AP5Z1: variants seen among roughly 807,000 people sequenced by gnomAD.
AP5Z1 encodes adaptor related protein complex 5 subunit zeta 1, also known as AP-5 complex subunit zeta-1.
AP5Z1 carries 106 observed loss-of-function variants against 83.0 expected under a neutral mutation model. The observed-to-expected ratio is 1.28, with a 90% CI of 1.09 to 1.50. The LOEUF is 1.50. AP5Z1 is among the 40% of genes most tolerant of loss of function. The pLI is 0.00. For missense variants in AP5Z1, 1,565 were observed against 1,094.2 expected, an observed-to-expected ratio of 1.43 and a Z score of -6.07; for synonymous variants, 751 against 514.1, an observed-to-expected ratio of 1.46 and a Z score of -6.23.
rs1781837631 is a variant in AP5Z1 at position 4,793,073 on chromosome 7, G to A, written c.*1688G>A. ...CCAGCTGGTGCTAAGTCCGCAGCCT[G>A]TGCAGCAGCGCCCGGCTTAGGACTG... is the stretch of plus-strand genomic sequence containing the variant. On this transcript the variant is annotated 3_prime_UTR_variant, in exon 17 of 17. Transcript: ENST00000649063. The A allele has an allele frequency of 6.6e-6, 1 of 152,394 alleles. No individual in the cohort carries two copies. Among genetic ancestry groups the A allele is most frequent in the African/African-American group, 2.4e-5 (1 of 41,480 alleles). 9.4% of individuals were successfully genotyped at this position (152,394 alleles called of 1,614,324 possible).
At chr7:4,782,604 T>C (rs550649069) in intron 3 of AP5Z1, among the ~76,000 whole-genome samples, 1 of 152,056 alleles carries the variant, frequency 6.6e-6, no homozygotes, top group African/African-American at 2.4e-5. Flanking sequence ...CTCAGGGCGT[T>C]GTACTTCATC....
chr7:4,788,787 G>A (rs1781645448), intron 12 of AP5Z1, 53 bp from the exon 13 acceptor site: 1 of 1,467,514 alleles, frequency 6.8e-7, no homozygotes, highest in Non-Finnish European at 9.2e-7. Context: ...GCCCCGGCCT[G>A]CAGTCACCAG....
chr7:4,778,441 C>T (rs1430743336), intron 1 of AP5Z1, among the ~76,000 whole-genome samples: 2 of 152,144 alleles, frequency 1.3e-5, no homozygotes, highest in South Asian at 2.1e-4. Context: ...AGCTCGGGAG[C>T]TAGTGGGGCA....
At chr7:4,783,560 A>C in intron 4 of AP5Z1, 100 bp downstream of exon 4, 1 of 1,540,806 alleles carries the variant, frequency 6.5e-7, no homozygotes, top group Non-Finnish European at 8.8e-7. Flanking sequence ...CAGGTGGGGG[A>C]CACGGGGAGG....
At position 4,788,762 on chromosome 7, in the gene AP5Z1, A is replaced by C. The variant is rs1048190772; in HGVS notation, c.1596-78A>C. 8 of 1,259,002 alleles carry C rather than the reference A, an allele frequency of 6.4e-6. No individual in the cohort carries two copies. In the African/African-American group the frequency reaches 7.5e-5, roughly 12 times the overall value. The allele number at this position is 1,259,002 out of a possible 1,614,324, so 78.0% of individuals were successfully genotyped here. A position where few individuals can be genotyped will look rare whatever the true frequency, so the allele number is the denominator to read the frequency against. On this transcript the variant is annotated intron_variant, in intron 12 of 16. Transcript: ENST00000649063. ...GAGCGGGCTCAGCTGTGCGAGAGGG[A>C]GCAGTGGCGACGTGGCCCCGGCCTG...
At position 4,785,883 on chromosome 7, in the gene AP5Z1, G is replaced by T. The variant is rs184442543; in HGVS notation, c.1132+199G>T. Among the ~76,000 whole-genome samples the T allele has an allele frequency of 4.3e-3, 650 of 151,608 alleles. 3 individuals carry two copies. The highest frequency in any genetic ancestry group is 0.015 in the African/African-American group (627 of 41,248). Reference sequence around the variant, plus strand: ...TGGCCTCCCAAAGTGCTGGGATTACGGGCATGAGCCACCGTGCCCAGCTCA... The same window carrying T: ...TGGCCTCCCAAAGTGCTGGGATTACTGGCATGAGCCACCGTGCCCAGCTCA... On this transcript the variant is annotated intron_variant, in intron 9 of 16. Transcript: ENST00000649063.
chr7:4,781,286 C>T lies in AP5Z1; in HGVS notation c.153C>T (p.Ile51=), dbSNP rs1287178448. ...ACTCCCTGCAGAGGCTCTTCCTCATCATCTCAGCCACGAAGTACAGCCGGA... is the reference window on the plus strand; with the variant it reads ...ACTCCCTGCAGAGGCTCTTCCTCATTATCTCAGCCACGAAGTACAGCCGGA... The part of the protein sequence containing the change: ...TLDSLQRLFL[I]ISATKYSRRL... The change falls in exon 2 of 17, where the codon ATC becomes ATT. Residue 51 remains isoleucine, a synonymous_variant. Coordinates refer to ENST00000649063, the MANE Select transcript of AP5Z1 (RefSeq NM_014855.3). 1.2e-6 allele frequency: 2 copies of T among 1,613,670 alleles called. No homozygotes were observed. The highest frequency in any genetic ancestry group is 1.7e-5 in the Admixed American group (1 of 60,024).
chr7:4,778,775 T>C (rs1291463745), intron 1 of AP5Z1, among the ~76,000 whole-genome samples: 1 of 146,756 alleles, frequency 6.8e-6, no homozygotes, highest in Non-Finnish European at 1.5e-5. Flanking sequence ...ATTACATATA[T>C]ATTTAGTAAT....
At position 4,786,230 on chromosome 7, in the gene AP5Z1, G is replaced by A. The variant is rs201842836; in HGVS notation, c.1133-20G>A. 8 of 1,583,076 alleles carry A rather than the reference G, an allele frequency of 5.1e-6. No homozygotes were observed. In the Admixed American group the frequency reaches 1.0e-4, roughly 21 times the overall value. On this transcript the variant is annotated intron_variant, in intron 9 of 16. Transcript: ENST00000649063. ...AGGGCGAGGTCAAGACGTGTGCCCT[G>A]GCGGGCCCTGGTCTTGCAGGGGAAG...
intron 1 of AP5Z1, among the ~76,000 whole-genome samples, chr7:4,780,542 A>G (rs1256486211): frequency 1.3e-5 from 2 of 152,150 alleles, no homozygotes; most frequent in Admixed American, 1.3e-4. Context: ...AGGTGGGCAG[A>G]TCACGATGTC....
intron 5 of AP5Z1, 36 bp downstream of exon 5, chr7:4,783,834 G>A (rs931848378): frequency 3.4e-5 from 52 of 1,532,488 alleles, no homozygotes; most frequent in Non-Finnish European, 4.0e-5. Flanking sequence ...ATGGGGAACA[G>A]AGTCACAGAC....
Position 4,790,798 on chromosome 7 carries a change from T to C in AP5Z1, c.2064T>C (p.Ala688=), listed in dbSNP as rs1309648308. The C allele has an allele frequency of 6.2e-7, 1 of 1,609,468 alleles. No individual in the cohort carries two copies. Among genetic ancestry groups the C allele is most frequent in the Non-Finnish European group, 8.5e-7 (1 of 1,178,914 alleles). Residue 688 remains alanine (A), a synonymous_variant, in exon 16 of 17, where the codon GCT becomes GCC. Transcript: ENST00000649063. ...LFEVTQCRPS[A]ALPRCPPQVV... ...AGGTCACCCAGTGCCGCCCCTCTGC[T>C]GCCCTGCCCAGGTGTCCCCCCCAGG... is the stretch of plus-strand genomic sequence containing the variant.
At chr7:4,786,845 A>ACTGCAAC (rs1205802995) in intron 10 of AP5Z1, among the ~76,000 whole-genome samples, 2 of 151,460 alleles carry the variant, frequency 1.3e-5, no homozygotes, top group Non-Finnish European at 2.9e-5. Flanking sequence ...ATCTCAGCTC[A>ACTGCAAC]CTGCAACCCC....
chr7:4,785,341 G>C (rs1417210702), intron 7 of AP5Z1, 74 bp from the exon 8 acceptor site: 2 of 1,556,686 alleles, frequency 1.3e-6, no homozygotes, highest in Non-Finnish European at 1.7e-6. Context: ...GGAGCTTCCA[G>C]AGCACAAGCT....
At chr7:4,783,247 C>G in intron 3 of AP5Z1, 69 bp from the exon 4 acceptor site, 1 of 1,493,180 alleles carries the variant, frequency 6.7e-7, no homozygotes, top group East Asian at 2.5e-5. Context: ...GTCACACAGA[C>G]TTCCGAAATG....
chr7:4,792,959 C>G lies in AP5Z1; in HGVS notation c.*1574C>G, dbSNP rs1583246149. On this transcript the variant is annotated 3_prime_UTR_variant, in exon 17 of 17. Coordinates refer to ENST00000649063, the MANE Select transcript of AP5Z1 (RefSeq NM_014855.3). ...CTCCCACTGAGTCCGCAGCTCCCCT[C>G]CTGCCCTGGGGCGGGGCTTCCCTGA... The G allele has an allele frequency of 6.2e-6, 1 of 162,220 alleles. No individual in the cohort carries two copies. Among genetic ancestry groups the G allele is most frequent in the South Asian group, 1.9e-4 (1 of 5,398 alleles). 10.0% of individuals were successfully genotyped at this position (162,220 alleles called of 1,614,324 possible). A position where few individuals can be genotyped will look rare whatever the true frequency, so the allele number is the denominator to read the frequency against.
At position 4,789,032 on chromosome 7, in the gene AP5Z1, C is replaced by T. The variant is rs1055033416; in HGVS notation, c.1707+81C>T. ...GCCAGAGCCAGCACTGGGGGGCCCT[C>T]TTGAGCTCTGCAGAAGGCTGCTCCC... On this transcript the variant is annotated intron_variant, in intron 13 of 16. Coordinates refer to ENST00000649063, the MANE Select transcript of AP5Z1 (RefSeq NM_014855.3). The T allele has an allele frequency of 2.8e-5, 35 of 1,250,940 alleles. No individual in the cohort carries two copies. The East Asian group carries it at 7.4e-4, about 26-fold the overall frequency. 77.5% of individuals were successfully genotyped at this position (1,250,940 alleles called of 1,614,324 possible).
Position 4,786,279 on chromosome 7 carries a change from G to C in AP5Z1, c.1162G>C (p.Val388Leu), listed in dbSNP as rs780335137. ...GEAAAVDSEAVYQHLFTRIPV... is the reference protein window; with the variant it reads ...GEAAAVDSEALYQHLFTRIPV... ...AGCGGCTGCAGTGGACTCGGAAGCC[G>C]TCTACCAGCACCTGTTCACCAGGAT... Residue 388 changes from valine to leucine, a missense_variant, in exon 10 of 17, where the codon GTC becomes CTC. Coordinates refer to ENST00000649063, the MANE Select transcript of AP5Z1 (RefSeq NM_014855.3). 1.9e-6 allele frequency: 3 copies of C among 1,611,806 alleles called. No individual in the cohort carries two copies. In the East Asian group the frequency reaches 6.7e-5, roughly 36 times the overall value.
At position 4,791,417 on chromosome 7, in the gene AP5Z1, T is replaced by A; in HGVS notation, c.*32T>A. 6.4e-7 allele frequency: 1 copy of A among 1,573,170 alleles called. No homozygotes were observed. The highest frequency in any genetic ancestry group is 1.2e-5 in the South Asian group (1 of 86,480). ...AGTGGCCAGGGACTTCGGTGCAGAT[T>A]AAGAGCCTGGGCAGCCAGCTTGCTA... is the stretch of plus-strand genomic sequence containing the variant. On this transcript the variant is annotated 3_prime_UTR_variant, in exon 17 of 17. Coordinates refer to ENST00000649063, the MANE Select transcript of AP5Z1 (RefSeq NM_014855.3).
Sources: allele counts gnomAD v4.1 joint callset (sites outside exome capture counted in the v4.1 genomes callset), GRCh38; gene constraint gnomAD v4.1.1; transcripts MANE v1.5; gene names NCBI Gene and HGNC (gene_info 2026-07-23, HGNC 2026-07-21).